The following SORCS2 variants were observed in gnomAD, a reference collection of about 807,000 sequenced individuals.
The protein encoded by SORCS2 is VPS10 domain-containing receptor SorCS2.
In SORCS2, 100 loss-of-function variants were observed where a neutral mutation model predicts 141.6. The observed-to-expected ratio is 0.71, with a 90% CI of 0.60 to 0.83. The LOEUF is 0.83. SORCS2 is among the 40% of genes least tolerant of loss of function. SORCS2 has a pLI of 0.00. For synonymous variants in SORCS2, 789 were observed against 676.9 expected (o/e 1.17, Z -2.57); for missense variants, 1,646 against 1,560.2 (o/e 1.05, Z -0.93).
At chr4:7,243,478 G>A (rs961199737) in intron 1 of SORCS2, among the ~76,000 whole-genome samples, 4 of 152,138 alleles carry the variant, frequency 2.6e-5, no homozygotes, top group Non-Finnish European at 5.9e-5. Flanking sequence ...GGAAAGGTGC[G>A]GGGAGTGAAG....
intron 2 of SORCS2, among the ~76,000 whole-genome samples, chr4:7,408,717 C>G (rs1447003888): frequency 6.6e-6 from 1 of 152,174 alleles, no homozygotes; most frequent in African/African-American, 2.4e-5. Context: ...CCTCTACTTT[C>G]TCCTGAACAC....
chr4:7,198,099 C>T (rs766317092), intron 1 of SORCS2, among the ~76,000 whole-genome samples: 21 of 152,126 alleles, frequency 1.4e-4, no homozygotes, highest in Non-Finnish European at 2.4e-4. Context: ...GACAGAGGCT[C>T]AGGGAGGAGC....
In SORCS2 at chr4:7,688,752, A is replaced by G. The variant is rs1477754090; in HGVS notation, c.1489-734A>G. Reference sequence around the variant, plus strand: ...CTGAGCCCAGAGTCATTACCCCACAAAGCCTTTTGGCATCTGTTGGTTCAG... The same window carrying G: ...CTGAGCCCAGAGTCATTACCCCACAGAGCCTTTTGGCATCTGTTGGTTCAG... On this transcript the variant is annotated intron_variant, in intron 10 of 26. Coordinates refer to ENST00000507866, the MANE Select transcript of SORCS2 (RefSeq NM_020777.3). 3.9e-5 allele frequency among the ~76,000 whole-genome samples: 6 copies of G among 152,134 alleles called. No homozygotes were observed. The East Asian group carries it at 1.2e-3, about 29-fold the overall frequency.
rs182029074 is a variant in SORCS2 at position 7,259,649 on chromosome 4, C to T, written c.480+66523C>T. ...TAGCAGTACCCGCCTCCCCTCCTGC[C>T]TCCCGCCCTACCTTGGCTGTGCCCG... On this transcript the variant is annotated intron_variant, in intron 1 of 26. Coordinates refer to ENST00000507866, the MANE Select transcript of SORCS2 (RefSeq NM_020777.3). Among the ~76,000 whole-genome samples the T allele has an allele frequency of 2.0e-3, 300 of 152,360 alleles. 3 individuals carry two copies. Among genetic ancestry groups the T allele is most frequent in the Admixed American group, 3.7e-3 (57 of 15,314 alleles).
intron 2 of SORCS2, among the ~76,000 whole-genome samples, chr4:7,475,545 C>T (rs1185291964): frequency 2.0e-5 from 3 of 152,176 alleles, no homozygotes; most frequent in Non-Finnish European, 4.4e-5. Context: ...AGCCCAGCTG[C>T]CCCCCTCCTG....
intron 1 of SORCS2, among the ~76,000 whole-genome samples, chr4:7,209,587 G>A (rs954899400): frequency 1.3e-5 from 2 of 152,086 alleles, no homozygotes; most frequent in African/African-American, 4.8e-5. Context: ...GGGTGGGCTC[G>A]TCCCCTTCTC....
intron 1 of SORCS2, among the ~76,000 whole-genome samples, chr4:7,320,026 G>T (rs919053356): frequency 2.6e-5 from 4 of 152,190 alleles, no homozygotes; most frequent in African/African-American, 4.8e-5. Context: ...GGAAGGGCCA[G>T]GCATGGTGGC....
chr4:7,264,800 G>A (rs1012170626), intron 1 of SORCS2, among the ~76,000 whole-genome samples: 4 of 152,188 alleles, frequency 2.6e-5, no homozygotes, highest in Admixed American at 2.0e-4. Flanking sequence ...GACCCTGAGG[G>A]TGCAGGGGAG....
intron 3 of SORCS2, among the ~76,000 whole-genome samples, chr4:7,546,964 A>C (rs137892614): frequency 6.6e-6 from 1 of 152,332 alleles, no homozygotes; most frequent in Non-Finnish European, 1.5e-5. Flanking sequence ...TGCAATGGGG[A>C]ATCCCCAGGT....
At chr4:7,533,437 C>T (rs560202874) in intron 3 of SORCS2, among the ~76,000 whole-genome samples, 3 of 152,200 alleles carry the variant, frequency 2.0e-5, no homozygotes, top group Admixed American at 1.3e-4. Flanking sequence ...GAGGAGGCCA[C>T]GCCCCCCACC....
intron 2 of SORCS2, among the ~76,000 whole-genome samples, chr4:7,421,453 T>C (rs1239633918): frequency 1.3e-5 from 2 of 152,168 alleles, no homozygotes; most frequent in Non-Finnish European, 2.9e-5. Flanking sequence ...ATAATAGAGT[T>C]GCTGGGTTGC....
rs540153877 is a variant in SORCS2, at chr4:7,475,444, C to CG, written c.549-56086_549-56085insG. On this transcript the variant is annotated intron_variant, in intron 2 of 26. Transcript: ENST00000507866. Reference sequence around the variant, plus strand: ...GCATGTGGTAGGCTCGGCCGGCCCCCCGAGGGCCTGAGAAACCTCCCTGTG... The same window carrying CG: ...GCATGTGGTAGGCTCGGCCGGCCCCCGCGAGGGCCTGAGAAACCTCCCTGTG... 4.0e-3 allele frequency among the ~76,000 whole-genome samples: 615 copies of CG among 152,290 alleles called. 6 individuals are homozygous for CG. Among genetic ancestry groups the CG allele is most frequent in the African/African-American group, 0.014 (574 of 41,562 alleles).
intron 12 of SORCS2, among the ~76,000 whole-genome samples, chr4:7,702,632 G>C (rs186582609): frequency 2.6e-5 from 4 of 152,336 alleles, no homozygotes; most frequent in Admixed American, 2.6e-4. Context: ...TTGTCCCTTG[G>C]GGATCTGGTG....
intron 2 of SORCS2, among the ~76,000 whole-genome samples, chr4:7,422,394 C>CT (rs1726137374): frequency 6.6e-6 from 1 of 151,696 alleles, no homozygotes; most frequent in Non-Finnish European, 1.5e-5. Context: ...GGGCAGGCCC[C>CT]TCCCGTGGCC....
At chr4:7,213,036 C>A (rs1424008953) in intron 1 of SORCS2, among the ~76,000 whole-genome samples, 3 of 152,276 alleles carry the variant, frequency 2.0e-5, no homozygotes, top group Non-Finnish European at 4.4e-5. Flanking sequence ...GTGACTTCTA[C>A]TGGAAAAGGT....
chr4:7,376,997 G>A (rs1402697916), intron 1 of SORCS2, among the ~76,000 whole-genome samples: 2 of 152,076 alleles, frequency 1.3e-5, no homozygotes, highest in Non-Finnish European at 2.9e-5. Flanking sequence ...GATTCGGGCT[G>A]TGAAAGTGGT....
chr4:7,309,986 G>A (rs1321262002), intron 1 of SORCS2, among the ~76,000 whole-genome samples: 2 of 152,238 alleles, frequency 1.3e-5, no homozygotes, highest in Non-Finnish European at 2.9e-5. Flanking sequence ...GGGAAATGGG[G>A]GGATTCAAAC....
chr4:7,309,891 A>T (rs2108918632), intron 1 of SORCS2, among the ~76,000 whole-genome samples: 1 of 152,254 alleles, frequency 6.6e-6, no homozygotes, highest in African/African-American at 2.4e-5. Flanking sequence ...CTGCGAGCTT[A>T]TGCCCTCTCC....
chr4:7,534,676 A>G (rs980384274), intron 3 of SORCS2, among the ~76,000 whole-genome samples: 1 of 152,168 alleles, frequency 6.6e-6, no homozygotes, highest in African/African-American at 2.4e-5. Context: ...AGGCTGGGGC[A>G]GGGCCTGGTT....
Sources: gnomAD v4.1 joint callset for allele counts (sites outside exome capture counted in the v4.1 genomes callset) on GRCh38, gnomAD v4.1.1 for gene constraint, MANE v1.5 for transcripts, NCBI Gene and HGNC (gene_info 2026-07-23, HGNC 2026-07-21) for gene names.